Variants in NT5DC2 observed in about 807,000 individuals in gnomAD.
NT5DC2 encodes the protein 5'-nucleotidase domain containing 2, also known as 5'-nucleotidase domain-containing protein 2.
In NT5DC2, 41 loss-of-function variants were observed where a neutral mutation model predicts 70.0. The ratio of observed to expected loss-of-function variants is 0.59; its 90% CI spans 0.46 to 0.76. NT5DC2 has a LOEUF of 0.76. NT5DC2 is among the 30% of genes least tolerant of loss of function. NT5DC2 has a pLI of 0.00. For missense variants in NT5DC2, 705 were observed against 783.2 expected, an observed-to-expected ratio of 0.90 and a Z score of 1.19; for synonymous variants, 299 against 310.4, an observed-to-expected ratio of 0.96 and a Z score of 0.39.
rs1001197086 is a variant in NT5DC2, at chr3:52,531,100, C to T, written c.233-1766G>A. 6.6e-6 allele frequency among the ~76,000 whole-genome samples: 1 copy of T among 152,242 alleles called. No individual in the cohort carries two copies. The highest frequency in any genetic ancestry group is 1.5e-5 in the Non-Finnish European group (1 of 68,038). ...AGGCAGACATCTCGCTGATGTGCTC[C>T]GTGCCCAGAGCACTTGCCTCAGAGG... On this transcript the variant is annotated intron_variant, in intron 1 of 13. Transcript: ENST00000422318. The surrounding 1 kb of genome is among the most constrained non-coding windows in gnomAD (Gnocchi z 4.1).
At chr3:52,527,530 C>T in intron 9 of NT5DC2, 87 bp downstream of exon 9, 1 of 1,505,866 alleles carries the variant, frequency 6.6e-7, no homozygotes, top group Non-Finnish European at 9.1e-7. Context: ...TGGGCAAGGG[C>T]CAGGTTGGCC....
Position 52,525,154 on chromosome 3 carries a change from G to A in NT5DC2, c.1207-51C>T, listed in dbSNP as rs750578379. The A allele has an allele frequency of 1.6e-4, 16 of 98,084 alleles. No individual in the cohort carries two copies. In the African/African-American group the frequency reaches 1.7e-3, roughly 10 times the overall value. 6.1% of individuals were successfully genotyped at this position (98,084 alleles called of 1,614,324 possible). ...GCTCAGCGCCAGTTGCTGGGGGCGG[G>A]GGGGGGGGGGTTTCCTGGCCCTCCC... On this transcript the variant is annotated intron_variant, in intron 11 of 13. Transcript: ENST00000422318.
chr3:52,532,615 T>G, intron 1 of NT5DC2: 1 of 537,240 alleles, frequency 1.9e-6, no homozygotes, highest in South Asian at 8.1e-5. Context: ...CCGGAAGCTC[T>G]CCTGCCCTGC....
In NT5DC2 at chr3:52,525,111, GT is replaced by G; in HGVS notation, c.1207-9del. The G allele has an allele frequency of 6.3e-7, 1 of 1,575,362 alleles. No individual in the cohort carries two copies. The highest frequency in any genetic ancestry group is 8.6e-7 in the Non-Finnish European group (1 of 1,161,070). ...GTGCCGCAGCATGAGATCCTGGTGG[GT>G]GGGGCGGCAGAACTGGGCTCAGCGC... On this transcript the variant is annotated splice_polypyrimidine_tract_variant and intron_variant, in intron 11 of 13. Coordinates refer to ENST00000422318, the MANE Select transcript of NT5DC2 (RefSeq NM_001134231.2).
Position 52,529,349 on chromosome 3 carries a change from T to A in NT5DC2, c.233-15A>T. 1 of 1,611,488 alleles carries A rather than the reference T, an allele frequency of 6.2e-7. No homozygotes were observed. Among genetic ancestry groups the A allele is most frequent in the South Asian group, 1.1e-5 (1 of 90,900 alleles). On this transcript the variant is annotated splice_polypyrimidine_tract_variant and intron_variant, in intron 1 of 13. Coordinates refer to ENST00000422318, the MANE Select transcript of NT5DC2 (RefSeq NM_001134231.2). The surrounding 1 kb of genome is among the most constrained non-coding windows in gnomAD (Gnocchi z 4.1). ...GGGCAGGAGGTCTAGAGGAAGGAGA[T>A]GCAGGGAGGCAGTGATGGGGATGAT...
chr3:52,525,420 T>C, intron 10 of NT5DC2, 125 bp from the exon 11 acceptor site: 1 of 689,402 alleles, frequency 1.5e-6, no homozygotes, highest in Non-Finnish European at 2.6e-6. Context: ...ATGGCCTTGC[T>C]GCTCCCTCCC....
chr3:52,526,201 G>T, intron 10 of NT5DC2: 1 of 152,520 alleles, frequency 6.6e-6, no homozygotes, highest in Non-Finnish European at 1.5e-5. Flanking sequence ...TGCCAAGGCA[G>T]GGGAGAGCAG....
rs778561577 is a variant in NT5DC2 at position 52,528,940 on chromosome 3, C to CG, written c.418-6dup. The CG allele has an allele frequency of 3.1e-6, 5 of 1,613,914 alleles. No individual in the cohort carries two copies. The highest frequency in any genetic ancestry group is 4.2e-6 in the Non-Finnish European group (5 of 1,179,998). On this transcript the variant is annotated splice_polypyrimidine_tract_variant and splice_region_variant and intron_variant, in intron 2 of 13. Transcript: ENST00000422318. Reference sequence around the variant, plus strand: ...CTTCCGAATCCCTTCTGGGTACTGCCGGGGGAAAGGGGCCAGGCCTAAGCC... The same window carrying CG: ...CTTCCGAATCCCTTCTGGGTACTGCCGGGGGGAAAGGGGCCAGGCCTAAGCC...
Position 52,528,022 on chromosome 3 carries a change from G to C in NT5DC2, c.823C>G (p.Gln275Glu), listed in dbSNP as rs747643714. Reference protein sequence around the residue: ...VKGLMYQWIEQDMEKYILRGD... With the variant: ...VKGLMYQWIEEDMEKYILRGD... ...TTCTGTCCACACTTACCCATGTCCT[G>C]CTCGATCCACTGGTACATGAGGCCC... Residue 275 changes from glutamine (Q) to glutamate (E), a missense_variant, in exon 7 of 14, where the codon CAG becomes GAG. By Grantham distance (29) the Gln-to-Glu change is conservative. Transcript: ENST00000422318. 1 of 1,611,948 alleles carries C rather than the reference G, an allele frequency of 6.2e-7. No individual in the cohort carries two copies. Among genetic ancestry groups the C allele is most frequent in the Non-Finnish European group, 8.5e-7 (1 of 1,179,442 alleles).
rs930714256 is a variant in NT5DC2 at position 52,531,893 on chromosome 3, C to G, written c.232+1613G>C. Among the ~76,000 whole-genome samples the G allele has an allele frequency of 6.6e-6, 1 of 152,188 alleles. No individual in the cohort carries two copies. Among genetic ancestry groups the G allele is most frequent in the Non-Finnish European group, 1.5e-5 (1 of 68,032 alleles). Reference sequence around the variant, plus strand: ...CAGTCCCACTTATTCCCCCATCGTCCGGAGGAAGAAACTGGGGCTCAGGGA... The same window carrying G: ...CAGTCCCACTTATTCCCCCATCGTCGGGAGGAAGAAACTGGGGCTCAGGGA... On this transcript the variant is annotated intron_variant, in intron 1 of 13. Transcript: ENST00000422318. The surrounding 1 kb of genome is among the most constrained non-coding windows in gnomAD (Gnocchi z 4.1).
At chr3:52,532,859 C>G (rs1008042400) in intron 1 of NT5DC2, among the ~76,000 whole-genome samples, 8 of 152,158 alleles carry the variant, frequency 5.3e-5, no homozygotes, top group African/African-American at 1.9e-4. Flanking sequence ...CCCCAGCCGG[C>G]CCCCTCCAAG....
chr3:52,533,658 G>A lies in NT5DC2; in HGVS notation c.80C>T (p.Ser27Phe). ...GCCGCACCCAGGGCAGGAGGGCGAGGACGAGGCGGCTCGCGGCCCGCCGTG... is the reference window on the plus strand; with the variant it reads ...GCCGCACCCAGGGCAGGAGGGCGAGAACGAGGCGGCTCGCGGCCCGCCGTG... ...GGHGGPRAASSSPSCPGCGPP... is the reference protein window; with the variant it reads ...GGHGGPRAASFSPSCPGCGPP... Residue 27 changes from serine to phenylalanine, a missense_variant, in exon 1 of 14, where the codon TCC becomes TTC. By Grantham distance (155) the Ser-to-Phe change is radical. Coordinates refer to ENST00000422318, the MANE Select transcript of NT5DC2 (RefSeq NM_001134231.2). The A allele has an allele frequency of 5.1e-6, 6 of 1,166,584 alleles. No individual in the cohort carries two copies. Among genetic ancestry groups the A allele is most frequent in the Non-Finnish European group, 6.3e-6 (6 of 946,700 alleles). The allele number at this position is 1,166,584 out of a possible 1,614,324, so 72.3% of individuals were successfully genotyped here.
upstream of NT5DC2, chr3:52,534,852 T>A (rs1358082217): frequency 4.8e-6 from 3 of 627,506 alleles, no homozygotes; most frequent in Non-Finnish European, 8.2e-6. Flanking sequence ...AGACCTACAG[T>A]GTGGCAGTCC....
intron 10 of NT5DC2, chr3:52,525,989 A>C (rs2079260180): frequency 1.3e-5 from 2 of 152,378 alleles, no homozygotes; most frequent in African/African-American, 4.8e-5. Flanking sequence ...GGAGGGGCAG[A>C]GGCCCAGGCA....
rs1160756262 is a variant in NT5DC2, at chr3:52,528,169, C to A, written c.771+14G>T. On this transcript the variant is annotated intron_variant, in intron 6 of 13. Coordinates refer to ENST00000422318, the MANE Select transcript of NT5DC2 (RefSeq NM_001134231.2). Reference sequence around the variant, plus strand: ...GTCTTTCCTGCCATCCGAGGGCAGGCCCAGCATCCTCACCGTCACGTCCTT... The same window carrying A: ...GTCTTTCCTGCCATCCGAGGGCAGGACCAGCATCCTCACCGTCACGTCCTT... 6.2e-7 allele frequency: 1 copy of A among 1,613,088 alleles called. No individual in the cohort carries two copies. The highest frequency in any genetic ancestry group is 8.5e-7 in the Non-Finnish European group (1 of 1,180,022).
upstream of NT5DC2, chr3:52,534,781 A>T: frequency 7.9e-7 from 1 of 1,258,436 alleles, no homozygotes; most frequent in East Asian, 2.3e-5. Flanking sequence ...TTGTTTTCTG[A>T]GGTGGCCGCG....
chr3:52,525,368 A>G, intron 10 of NT5DC2, 73 bp from the exon 11 acceptor site: 2 of 1,216,536 alleles, frequency 1.6e-6, no homozygotes, highest in Non-Finnish European at 2.4e-6. Flanking sequence ...CCGAATCCCC[A>G]GAGGCAGCCC....
At position 52,531,958 on chromosome 3, in the gene NT5DC2, C is replaced by T. The variant is rs939486774; in HGVS notation, c.232+1548G>A. Among the ~76,000 whole-genome samples, 2 of 152,130 alleles carry T rather than the reference C, an allele frequency of 1.3e-5. No homozygotes were observed. The highest frequency in any genetic ancestry group is 2.1e-4 in the South Asian group (1 of 4,820). On this transcript the variant is annotated intron_variant, in intron 1 of 13. Transcript: ENST00000422318. The surrounding 1 kb of genome is among the most constrained non-coding windows in gnomAD (Gnocchi z 4.1). ...CTCCAAACCACCCAGTAACAGGCAC[C>T]GGGGTTGAGATCACCATTCAAGTCA...
intron 10 of NT5DC2, among the ~76,000 whole-genome samples, chr3:52,526,702 C>T (rs2079279436): frequency 6.6e-6 from 1 of 152,228 alleles, no homozygotes; most frequent in Non-Finnish European, 1.5e-5. Context: ...CATTGTTGCC[C>T]AGGCTAAAGT....
Sources: allele counts gnomAD v4.1 joint callset (sites outside exome capture counted in the v4.1 genomes callset), GRCh38; gene constraint gnomAD v4.1.1; non-coding constraint Gnocchi (gnomAD v3.1); transcripts MANE v1.5; gene names NCBI Gene and HGNC (gene_info 2026-07-23, HGNC 2026-07-21).